The following IMMT variants were observed in gnomAD, a reference collection of about 807,000 sequenced individuals.
The protein encoded by IMMT is inner membrane mitochondrial protein, also known as MICOS complex subunit MIC60.
A neutral mutation model predicts 92.7 loss-of-function variants in IMMT; 40 were observed. The observed-to-expected ratio is 0.43, with a 90% CI of 0.34 to 0.56. The LOEUF (loss-of-function observed/expected upper bound fraction) is 0.56, where lower values mean the gene tolerates loss of function less well. IMMT is among the 20% of genes least tolerant of loss of function. IMMT has a pLI of 0.03. For missense variants in IMMT, 831 were observed against 912.1 expected, an observed-to-expected ratio of 0.91 and a Z score of 1.14; for synonymous variants, 322 against 336.1, an observed-to-expected ratio of 0.96 and a Z score of 0.46.
At chr2:86,176,654 G>A (rs1404723966) in intron 3 of IMMT, among the ~76,000 whole-genome samples, 2 of 152,228 alleles carry the variant, frequency 1.3e-5, no homozygotes, top group African/African-American at 2.4e-5. Context: ...CAGTGTAAGT[G>A]TGGAGGTGGT....
intron 5 of IMMT, among the ~76,000 whole-genome samples, 174 bp from the exon 6 acceptor site, chr2:86,171,018 A>G (rs2105221315): frequency 6.6e-6 from 1 of 152,390 alleles, no homozygotes; most frequent in South Asian, 2.1e-4. Flanking sequence ...ATGAAGAAAT[A>G]GGAATCAGGC....
Position 86,176,292 on chromosome 2 carries a change from C to T in IMMT, c.310-2531G>A, listed in dbSNP as rs3770064. Reference sequence around the variant, plus strand: ...AAACAATACAAAATATCTGGAAGTACATTAATAGGTGTTATCATGAAAATA... The same window carrying T: ...AAACAATACAAAATATCTGGAAGTATATTAATAGGTGTTATCATGAAAATA... On this transcript the variant is annotated intron_variant, in intron 3 of 14. Coordinates refer to ENST00000410111, the MANE Select transcript of IMMT (RefSeq NM_006839.3). Among the ~76,000 whole-genome samples the T allele has an allele frequency of 6.8e-3, 1,036 of 152,250 alleles. 26 individuals carry two copies. The East Asian group carries it at 0.1, about 15-fold the overall frequency.
Position 86,168,718 on chromosome 2 carries a change from T to C in IMMT, c.655+2031A>G, listed in dbSNP as rs75552969. 2.6e-5 allele frequency among the ~76,000 whole-genome samples: 4 copies of C among 152,198 alleles called. No individual in the cohort carries two copies. The East Asian group carries it at 7.7e-4, about 29-fold the overall frequency. On this transcript the variant is annotated intron_variant, in intron 6 of 14. Coordinates refer to ENST00000410111, the MANE Select transcript of IMMT (RefSeq NM_006839.3). ...AAGATGATTTTGAGGAAAAGAAGCATAAACTAGCAATGAACAAATGGAATC... is the reference window on the plus strand; with the variant it reads ...AAGATGATTTTGAGGAAAAGAAGCACAAACTAGCAATGAACAAATGGAATC...
At chr2:86,190,392 T>C (rs1040595505) in intron 1 of IMMT, among the ~76,000 whole-genome samples, 20 of 152,342 alleles carry the variant, frequency 1.3e-4, no homozygotes, top group East Asian at 9.6e-4. Context: ...AGAATAATAA[T>C]GTTTCTTCTT....
intron 5 of IMMT, 50 bp from the exon 6 acceptor site, chr2:86,170,894 A>T: frequency 3.0e-6 from 4 of 1,336,670 alleles, no homozygotes; most frequent in Non-Finnish European, 4.2e-6. Context: ...ATAGAATTTT[A>T]ATAGCTAACA....
chr2:86,171,428 C>T (rs1282304959), intron 4 of IMMT, 83 bp from the exon 5 acceptor site: 1 of 1,272,554 alleles, frequency 7.9e-7, no homozygotes, highest in African/African-American at 1.5e-5. Context: ...ACCATCACCA[C>T]CCACTTCACA....
intron 11 of IMMT, among the ~76,000 whole-genome samples, chr2:86,152,386 A>G (rs1675519641): frequency 6.7e-6 from 1 of 149,196 alleles, no homozygotes; most frequent in Non-Finnish European, 1.5e-5. Context: ...GGTTGCAGTG[A>G]GCCGAAATTG....
Position 86,169,552 on chromosome 2 carries a change from G to A in IMMT, c.655+1197C>T, listed in dbSNP as rs184569911. On this transcript the variant is annotated intron_variant, in intron 6 of 14. Coordinates refer to ENST00000410111, the MANE Select transcript of IMMT (RefSeq NM_006839.3). Reference sequence around the variant, plus strand: ...GGAGATCAAAAAACTATAAACAGCTGCCATGAGTACTGAACTCTCTGTCCA... The same window carrying A: ...GGAGATCAAAAAACTATAAACAGCTACCATGAGTACTGAACTCTCTGTCCA... Among the ~76,000 whole-genome samples, 3 of 152,206 alleles carry A rather than the reference G, an allele frequency of 2.0e-5. 1 individual carries two copies. The highest frequency in any genetic ancestry group is 2.0e-4 in the Admixed American group (3 of 15,282).
At position 86,144,632 on chromosome 2, in the gene IMMT, A is replaced by G; in HGVS notation, c.1913T>C (p.Val638Ala). 6.2e-7 allele frequency: 1 copy of G among 1,613,936 alleles called. No homozygotes were observed. The highest frequency in any genetic ancestry group is 1.1e-5 in the South Asian group (1 of 91,086). The change falls in exon 15 of 15, where the codon GTT becomes GCT. Residue 638 changes from valine to alanine, a missense_variant. Coordinates refer to ENST00000410111, the MANE Select transcript of IMMT (RefSeq NM_006839.3). The stretch of plus-strand genomic sequence containing the variant: ...TGCTACCCTTCGGGCCAGTTTTTGA[A>G]CAGCATAGAAACGGGCTCTAAGGGT... ...EETLRARFYA[V>A]QKLARRVAMI... is the part of the protein sequence containing the mutation.
Position 86,159,520 on chromosome 2 carries a change from G to C in IMMT, c.1032+16C>G. 1 of 1,530,100 alleles carries C rather than the reference G, an allele frequency of 6.5e-7. No homozygotes were observed. Among genetic ancestry groups the C allele is most frequent in the Non-Finnish European group, 8.9e-7 (1 of 1,120,550 alleles). The allele number at this position is 1,530,100 out of a possible 1,614,324, so 94.8% of individuals were successfully genotyped here. A position where few individuals can be genotyped will look rare whatever the true frequency, so the allele number is the denominator to read the frequency against. ...TATTTTAAAATATAAAATACTATAAGACTTAGGAAACATACCTTTTTGACC... is the reference window on the plus strand; with the variant it reads ...TATTTTAAAATATAAAATACTATAACACTTAGGAAACATACCTTTTTGACC... On this transcript the variant is annotated intron_variant, in intron 9 of 14. Coordinates refer to ENST00000410111, the MANE Select transcript of IMMT (RefSeq NM_006839.3).
chr2:86,147,763 G>C lies in IMMT; in HGVS notation c.1472C>G (p.Thr491Ser). 1 of 1,613,956 alleles carries C rather than the reference G, an allele frequency of 6.2e-7. No homozygotes were observed. The highest frequency in any genetic ancestry group is 8.5e-7 in the Non-Finnish European group (1 of 1,179,826). The change falls in exon 13 of 15, where the codon ACT (threonine) becomes AGT (serine). Residue 491 changes from threonine (T) to serine (S), a missense_variant. Physicochemically the swap from Thr to Ser is moderately conservative, Grantham distance 58. Transcript: ENST00000410111. ...TQLRRQAAAHTDHLRDVLRVQ... is the reference protein window; with the variant it reads ...TQLRRQAAAHSDHLRDVLRVQ... ...CCTAAGGACATCTCGCAAGTGATCA[G>C]TGTGGGCAGCTGCCTGTCGGCGAAG...
chr2:86,159,754 G>T, intron 8 of IMMT, 83 bp from the exon 9 acceptor site: 1 of 1,214,686 alleles, frequency 8.2e-7, no homozygotes, highest in Non-Finnish European at 1.1e-6. Flanking sequence ...GTATATAATT[G>T]TTAAAAGTCT....
At chr2:86,152,919 G>C (rs1333816953) in intron 11 of IMMT, among the ~76,000 whole-genome samples, 1 of 152,124 alleles carries the variant, frequency 6.6e-6, no homozygotes, top group East Asian at 1.9e-4. Context: ...ACAAAAAGGG[G>C]CAAGAGATTT....
chr2:86,161,784 G>A (rs962426170), intron 8 of IMMT, among the ~76,000 whole-genome samples, 192 bp downstream of exon 8: 3 of 152,092 alleles, frequency 2.0e-5, no homozygotes, highest in African/African-American at 4.8e-5. Flanking sequence ...AAAGTGCTGG[G>A]ATTACAGGTG....
At chr2:86,149,016 A>G (rs1278891479) in intron 12 of IMMT, among the ~76,000 whole-genome samples, 1 of 151,518 alleles carries the variant, frequency 6.6e-6, no homozygotes, top group Non-Finnish European at 1.5e-5. Flanking sequence ...CAAAAAAGAC[A>G]TCTGAGATTG....
chr2:86,180,801 C>A (rs926742666), intron 2 of IMMT, among the ~76,000 whole-genome samples: 2 of 151,534 alleles, frequency 1.3e-5, no homozygotes, highest in Admixed American at 6.6e-5. Flanking sequence ...GCAGAAAAAT[C>A]GCTTGAACCT....
At position 86,170,850 on chromosome 2, in the gene IMMT, A is replaced by G; in HGVS notation, c.560-6T>C. On this transcript the variant is annotated splice_region_variant and splice_polypyrimidine_tract_variant and intron_variant, in intron 5 of 14. Coordinates refer to ENST00000410111, the MANE Select transcript of IMMT (RefSeq NM_006839.3). ...AGAAGATGAGGATGCTTCTTCTTGC[A>G]GCAAAAGTAAATAAGAGGAAATCAA... 10 of 1,561,128 alleles carry G rather than the reference A, an allele frequency of 6.4e-6. No individual in the cohort carries two copies. Among genetic ancestry groups the G allele is most frequent in the Non-Finnish European group, 8.7e-6 (10 of 1,149,148 alleles).
intron 10 of IMMT, among the ~76,000 whole-genome samples, chr2:86,155,793 A>G (rs1675813281): frequency 6.6e-6 from 1 of 152,180 alleles, no homozygotes; most frequent in Admixed American, 6.5e-5. Flanking sequence ...GTGCGTTCTG[A>G]TTTCAGAGGT....
At chr2:86,154,612 ATTCAG>A (rs1675719029) in intron 10 of IMMT, among the ~76,000 whole-genome samples, 1 of 152,220 alleles carries the variant, frequency 6.6e-6, no homozygotes, top group Admixed American at 6.5e-5. Context: ...TACTTAATAC[ATTCAG>A]TTCTTCTTTG....
Sources: allele counts gnomAD v4.1 joint callset (sites outside exome capture counted in the v4.1 genomes callset), GRCh38; gene constraint gnomAD v4.1.1; transcripts MANE v1.5; gene names NCBI Gene and HGNC (gene_info 2026-07-23, HGNC 2026-07-21).